TUBGCP3: variants seen among roughly 807,000 people sequenced by gnomAD.
TUBGCP3 encodes the protein gamma-tubulin complex component 3.
TUBGCP3 carries 50 observed loss-of-function variants against 123.1 expected under a neutral mutation model. The observed-to-expected ratio is 0.41, with a 90% CI of 0.32 to 0.51. The LOEUF (loss-of-function observed/expected upper bound fraction) is 0.51, where lower values mean the gene tolerates loss of function less well. Among genes scored for constraint, TUBGCP3 ranks in the 20% least tolerant of loss-of-function variants. The pLI is 0.36. For synonymous variants in TUBGCP3, 405 were observed against 413.9 expected, an observed-to-expected ratio of 0.98 and a Z score of 0.26; for missense variants, 882 against 1,127.0, an observed-to-expected ratio of 0.78 and a Z score of 3.11.
chr13:112,598,236 G>A, the TUBGCP3 span, among the ~76,000 whole-genome samples: 2 of 151,650 alleles, frequency 1.3e-5, no homozygotes, highest in East Asian at 1.9e-4. Flanking sequence ...AGAAACAAAG[G>A]CTTTTTTAGA....
chr13:112,596,869 A>C, the TUBGCP3 span, among the ~76,000 whole-genome samples: 81 of 152,352 alleles, frequency 5.3e-4, no homozygotes, highest in Non-Finnish European at 8.4e-4. Context: ...TAGTTAATTC[A>C]GACCAATCCT....
chr13:112,527,518 T>A, intron 11 of TUBGCP3, 34 bp from the exon 12 acceptor site: 1 of 1,463,624 alleles, frequency 6.8e-7, no homozygotes, highest in Non-Finnish European at 9.5e-7. Context: ...TGTTCAAGAG[T>A]GATATTTATG....
At chr13:112,568,449 G>A (rs985055378) in intron 2 of TUBGCP3, among the ~76,000 whole-genome samples, 1 of 151,338 alleles carries the variant, frequency 6.6e-6, no homozygotes, top group South Asian at 2.1e-4. Flanking sequence ...TGGGCTTCTA[G>A]AACGTGTTAT....
chr13:112,553,176 T>A (rs1051647473), intron 8 of TUBGCP3, among the ~76,000 whole-genome samples: 1 of 148,728 alleles, frequency 6.7e-6, no homozygotes, highest in African/African-American at 2.5e-5. Context: ...CCACACCAAG[T>A]GCCTACTCAC....
intron 10 of TUBGCP3, 143 bp from the exon 11 acceptor site, chr13:112,546,008 A>C: frequency 2.5e-6 from 2 of 812,114 alleles, no homozygotes; most frequent in South Asian, 4.1e-5. Flanking sequence ...CTTTGGACCT[A>C]GAAGCAGCAG....
Position 112,559,689 on chromosome 13 carries a change from G to A in TUBGCP3, c.253-290C>T, listed in dbSNP as rs576222863. ...TACCCTATTCCTGAATAACAGTATC[G>A]TCTCCCCTGAAATAATTCTTATAAT... On this transcript the variant is annotated intron_variant, in intron 3 of 21. Transcript: ENST00000261965. Among the ~76,000 whole-genome samples, 7 of 152,142 alleles carry A rather than the reference G, an allele frequency of 4.6e-5. No homozygotes were observed. In the South Asian group the frequency reaches 6.2e-4, roughly 14 times the overall value.
chr13:112,506,770 C>T (rs1294492650), intron 17 of TUBGCP3, among the ~76,000 whole-genome samples: 1 of 152,198 alleles, frequency 6.6e-6, no homozygotes, highest in Non-Finnish European at 1.5e-5. Flanking sequence ...CTCAAAACCC[C>T]TCAAACTACA....
chr13:112,526,943 G>A lies in TUBGCP3; in HGVS notation c.1554C>T (p.Asp518=), dbSNP rs139028245. The change falls in exon 13 of 22, where the codon GAC becomes GAT. Residue 518 remains aspartate (D), a splice_region_variant and synonymous_variant. Coordinates refer to ENST00000261965, the MANE Select transcript of TUBGCP3 (RefSeq NM_006322.6). ...AVTKSAESPQ[D]AADLFTDLEN... ...ACCACCCCACCAGCATCATCATACC[G>A]TCCTGGGGTGACTCTGCAGACTTGG... is the stretch of plus-strand genomic sequence containing the variant. The A allele has an allele frequency of 1.8e-4, 294 of 1,610,414 alleles. 2 individuals carry two copies. The African/African-American group carries it at 3.1e-3, about 17-fold the overall frequency.
intron 20 of TUBGCP3, among the ~76,000 whole-genome samples, chr13:112,493,568 A>C (rs1430365560): frequency 1.3e-5 from 2 of 149,836 alleles, no homozygotes; most frequent in East Asian, 2.0e-4. Context: ...GGTGTCCCTG[A>C]AACGCTCTAG....
intron 13 of TUBGCP3, 63 bp downstream of exon 13, chr13:112,526,879 T>C: frequency 8.3e-7 from 1 of 1,205,118 alleles, no homozygotes; most frequent in Non-Finnish European, 1.2e-6. Flanking sequence ...AGTATCACCA[T>C]CCTCACATCA....
At chr13:112,502,673 G>A (rs1433420644) in intron 19 of TUBGCP3, among the ~76,000 whole-genome samples, 4 of 149,610 alleles carry the variant, frequency 2.7e-5, no homozygotes, top group South Asian at 2.1e-4. Context: ...AGCCTCCCCA[G>A]TAGCTGGGAG....
At chr13:112,520,329 G>C (rs1338173651) in intron 14 of TUBGCP3, among the ~76,000 whole-genome samples, 1 of 152,114 alleles carries the variant, frequency 6.6e-6, no homozygotes, top group Non-Finnish European at 1.5e-5. Flanking sequence ...AGGAGTTTGA[G>C]ACCAGCCTGG....
At chr13:112,596,075 A>G in the TUBGCP3 span, among the ~76,000 whole-genome samples, 2 of 152,256 alleles carry the variant, frequency 1.3e-5, no homozygotes, top group African/African-American at 2.4e-5. Context: ...GTCCCTTTAC[A>G]TTCCCCTGTT....
upstream of TUBGCP3, among the ~76,000 whole-genome samples, chr13:112,592,731 G>A (rs1329158470): frequency 1.3e-5 from 2 of 152,196 alleles, no homozygotes; most frequent in Non-Finnish European, 2.9e-5. The surrounding 1 kb of genome is among the most constrained non-coding windows in gnomAD (Gnocchi z 4.1). Flanking sequence ...ATGTGGTCTC[G>A]GAAGGGAGGT....
At chr13:112,563,708 C>CAAAAA (rs1566581832) in intron 3 of TUBGCP3, among the ~76,000 whole-genome samples, 1 of 143,962 alleles carries the variant, frequency 6.9e-6, no homozygotes, top group African/African-American at 2.6e-5. Flanking sequence ...CTAAAAATAC[C>CAAAAA]AAAAAAAAAA....
At chr13:112,502,078 A>G (rs7328218) in intron 19 of TUBGCP3, among the ~76,000 whole-genome samples, 148,328 of 152,346 alleles carry the variant, frequency 0.97, 72,246 homozygotes, top group East Asian at 1. Context: ...ATGAAATCTA[A>G]TGACTGTAAA....
Position 112,519,198 on chromosome 13 carries a change from A to C in TUBGCP3, c.1882-155T>G, listed in dbSNP as rs554328191. Among the ~76,000 whole-genome samples, 1 of 152,244 alleles carries C rather than the reference A, an allele frequency of 6.6e-6. No individual in the cohort carries two copies. Among genetic ancestry groups the C allele is most frequent in the African/African-American group, 2.4e-5 (1 of 41,470 alleles). On this transcript the variant is annotated intron_variant, in intron 15 of 21. Coordinates refer to ENST00000261965, the MANE Select transcript of TUBGCP3 (RefSeq NM_006322.6). This position sits in a 1 kb window ranked among gnomAD's most constrained non-coding sequence, Gnocchi z 6.2. ...CTTGTTAACTTCTACAACCTCACCA[A>C]TTAGGCAATAATGAGCACACAGTAG...
chr13:112,542,389 G>A (rs994771944), intron 11 of TUBGCP3, among the ~76,000 whole-genome samples: 1 of 152,114 alleles, frequency 6.6e-6, no homozygotes, highest in Non-Finnish European at 1.5e-5. Flanking sequence ...ATTAAAAATG[G>A]CAAGCCTCAC....
At chr13:112,505,994 A>G (rs140656953) in intron 17 of TUBGCP3, among the ~76,000 whole-genome samples, 62 of 152,342 alleles carry the variant, frequency 4.1e-4, no homozygotes, top group African/African-American at 1.5e-3. Context: ...TAAAGCAGAC[A>G]GTGATATACA....
Sources: allele counts gnomAD v4.1 joint callset (sites outside exome capture counted in the v4.1 genomes callset), GRCh38; gene constraint gnomAD v4.1.1; non-coding constraint Gnocchi (gnomAD v3.1); transcripts MANE v1.5; gene names NCBI Gene and HGNC (gene_info 2026-07-23, HGNC 2026-07-21).